The following SIL1 variants were observed in gnomAD, a reference collection of about 807,000 sequenced individuals.
The protein encoded by SIL1 is SIL1 nucleotide exchange factor, also known as nucleotide exchange factor SIL1.
SIL1 carries 40 observed loss-of-function variants against 49.1 expected under a neutral mutation model. The observed-to-expected ratio is 0.81, with a 90% CI of 0.63 to 1.06. The LOEUF is 1.06. Among genes scored for constraint, SIL1 ranks in the 50% least tolerant of loss-of-function variants. SIL1 has a pLI of 0.00. For missense variants in SIL1, 500 were observed against 572.6 expected, an observed-to-expected ratio of 0.87 and a Z score of 1.29; for synonymous variants, 253 against 250.8, an observed-to-expected ratio of 1.01 and a Z score of -0.08.
At chr5:139,159,031 T>TC (rs1433477694) in intron 1 of SIL1, among the ~76,000 whole-genome samples, 5 of 151,144 alleles carry the variant, frequency 3.3e-5, no homozygotes, top group African/African-American at 1.2e-4. Flanking sequence ...AATTTCCCAT[T>TC]CCCCCTGGCA....
chr5:139,179,013 A>G (rs961288306), intron 1 of SIL1, among the ~76,000 whole-genome samples: 1 of 152,158 alleles, frequency 6.6e-6, no homozygotes, highest in African/African-American at 2.4e-5. Context: ...TTTCTCTCCC[A>G]AATTTCTTAC....
At chr5:139,047,966 G>T (rs1428508113) in intron 4 of SIL1, among the ~76,000 whole-genome samples, 3 of 152,154 alleles carry the variant, frequency 2.0e-5, no homozygotes, top group Non-Finnish European at 4.4e-5. Flanking sequence ...TCACATGGAC[G>T]GCTCTGCTGT....
chr5:139,162,925 C>T (rs1751542825), intron 1 of SIL1, among the ~76,000 whole-genome samples: 1 of 151,920 alleles, frequency 6.6e-6, no homozygotes, highest in Non-Finnish European at 1.5e-5. Context: ...AAGGAAGAGC[C>T]TTTCTTGTAA....
intron 1 of SIL1, among the ~76,000 whole-genome samples, chr5:139,143,342 CACATAT>C (rs1310115235): frequency 1.1e-4 from 10 of 90,626 alleles, no homozygotes; most frequent in South Asian, 5.4e-4. Flanking sequence ...CACACACACA[CACATAT>C]ATATATATAT....
chr5:139,056,443 C>T (rs559551914), intron 3 of SIL1, among the ~76,000 whole-genome samples: 2 of 151,940 alleles, frequency 1.3e-5, no homozygotes, highest in East Asian at 3.9e-4. Flanking sequence ...GGCAGCCACC[C>T]CGTCTGGGAA....
chr5:139,003,011 C>T (rs998255753), intron 7 of SIL1, among the ~76,000 whole-genome samples: 1 of 152,034 alleles, frequency 6.6e-6, no homozygotes, highest in Non-Finnish European at 1.5e-5. Flanking sequence ...TGAGTTAGGA[C>T]CCTGGAGCTA....
chr5:138,973,708 T>A (rs990519978), intron 7 of SIL1, among the ~76,000 whole-genome samples: 1 of 152,040 alleles, frequency 6.6e-6, no homozygotes, highest in Non-Finnish European at 1.5e-5. Flanking sequence ...CCTCCCAGAA[T>A]GCTGGGACTA....
chr5:139,170,386 G>A (rs569573046), intron 1 of SIL1, among the ~76,000 whole-genome samples: 36 of 150,926 alleles, frequency 2.4e-4, no homozygotes, highest in African/African-American at 6.8e-4. Flanking sequence ...AGTGAGGAGC[G>A]TCTCTGCCCG....
At chr5:138,969,716 A>G (rs1767230483) in intron 7 of SIL1, among the ~76,000 whole-genome samples, 1 of 152,268 alleles carries the variant, frequency 6.6e-6, no homozygotes, top group Non-Finnish European at 1.5e-5. Flanking sequence ...CATGAACCGC[A>G]GTGGCATAAT....
chr5:139,027,138 C>T, intron 5 of SIL1, 146 bp from the exon 6 acceptor site: 3 of 766,966 alleles, frequency 3.9e-6, no homozygotes, highest in Non-Finnish European at 4.4e-6. Context: ...AATACTAATA[C>T]TTTCTAAGAT....
At chr5:139,194,839 G>A (rs1295235810) in intron 1 of SIL1, among the ~76,000 whole-genome samples, 1 of 152,072 alleles carries the variant, frequency 6.6e-6, no homozygotes, top group Non-Finnish European at 1.5e-5. Context: ...AGAAAGACAG[G>A]GGGAGGCTGA....
intron 5 of SIL1, among the ~76,000 whole-genome samples, chr5:139,028,198 C>CA (rs550170105): frequency 3.2e-3 from 417 of 131,266 alleles, no homozygotes; most frequent in Middle Eastern, 0.023. Context: ...AAGAAGGCCT[C>CA]AAAAAAAAAA....
At chr5:138,953,381 G>A (rs1415037715) in intron 7 of SIL1, 2 of 152,360 alleles carry the variant, frequency 1.3e-5, no homozygotes, top group African/African-American at 4.8e-5. Context: ...TGGCTGAATG[G>A]AATGAAGATA....
At chr5:139,062,240 A>C (rs1363213873) in intron 3 of SIL1, among the ~76,000 whole-genome samples, 3 of 152,062 alleles carry the variant, frequency 2.0e-5, no homozygotes, top group Non-Finnish European at 4.4e-5. Flanking sequence ...AAAAATGGAG[A>C]CCTTTTTTTT....
intron 7 of SIL1, among the ~76,000 whole-genome samples, chr5:138,998,631 G>A (rs1767923922): frequency 6.6e-6 from 1 of 152,132 alleles, no homozygotes; most frequent in African/African-American, 2.4e-5. Flanking sequence ...GGTGACAGTG[G>A]GAGAAGGGAG....
intron 5 of SIL1, among the ~76,000 whole-genome samples, chr5:139,027,393 A>G (rs1768681757): frequency 6.6e-6 from 1 of 152,204 alleles, no homozygotes; most frequent in South Asian, 2.1e-4. Flanking sequence ...ACTTCTCACA[A>G]TCATAGACTA....
chr5:139,189,725 G>A (rs908635229), intron 1 of SIL1, among the ~76,000 whole-genome samples: 3 of 152,218 alleles, frequency 2.0e-5, no homozygotes, highest in Admixed American at 6.5e-5. Context: ...GGAAGCTGAG[G>A]CAGGAGAATT....
At chr5:139,004,496 T>A (rs1768065416) in intron 7 of SIL1, among the ~76,000 whole-genome samples, 1 of 152,220 alleles carries the variant, frequency 6.6e-6, no homozygotes, top group Admixed American at 6.5e-5. Context: ...GAAACTCATG[T>A]GAGACCTTTA....
In SIL1 at chr5:139,026,855, G is replaced by A. The variant is rs987437433; in HGVS notation, c.591C>T (p.Ser197=). The A allele has an allele frequency of 1.2e-6, 2 of 1,614,058 alleles. No individual in the cohort carries two copies. The highest frequency in any genetic ancestry group is 1.3e-5 in the African/African-American group (1 of 74,924). The part of the protein sequence containing the change: ...RLINKFNSSS[S]SLEEKIAALF... ...GCGCAGCAATCTTCTCTTCCAAACTGGAGCTGGAACTATTGAACTTGTTGA... is the reference window on the plus strand; with the variant it reads ...GCGCAGCAATCTTCTCTTCCAAACTAGAGCTGGAACTATTGAACTTGTTGA... The change falls in exon 6 of 10, where the codon TCC becomes TCT. Residue 197 remains serine (S), a synonymous_variant. Coordinates refer to ENST00000394817, the MANE Select transcript of SIL1 (RefSeq NM_022464.5).
Sources: allele counts gnomAD v4.1 joint callset (sites outside exome capture counted in the v4.1 genomes callset), GRCh38; gene constraint gnomAD v4.1.1; transcripts MANE v1.5; gene names NCBI Gene and HGNC (gene_info 2026-07-23, HGNC 2026-07-21).